Variants in PRELID2 observed in about 807,000 individuals in gnomAD.
PRELID2 encodes PRELI domain containing 2.
Under a neutral mutation model 28.4 loss-of-function variants are expected in PRELID2, and 25 were observed. That is an observed-to-expected ratio of 0.88 (90% confidence interval 0.64 to 1.23). The LOEUF (loss-of-function observed/expected upper bound fraction) is 1.23. Ranked by LOEUF, PRELID2 falls within the 50% of genes most tolerant of loss-of-function variation. The probability of loss-of-function intolerance (pLI) is 0.00; values close to 1 mark genes in which losing one functional copy is unlikely to be tolerated. For missense variants in PRELID2, 201 were observed against 214.4 expected (o/e 0.94, Z 0.39); for synonymous variants, 76 against 71.6 (o/e 1.06, Z -0.31).
intron 1 of PRELID2, among the ~76,000 whole-genome samples, chr5:145,726,019 C>CA (rs1157967922): frequency 6.6e-6 from 1 of 151,534 alleles, no homozygotes; most frequent in Non-Finnish European, 1.5e-5. Context: ...CCTGTGTCTA[C>CA]AAAAAAAATT....
chr5:145,783,289 C>T (rs1751756308), intron 5 of PRELID2, among the ~76,000 whole-genome samples: 1 of 152,160 alleles, frequency 6.6e-6, no homozygotes, highest in Non-Finnish European at 1.5e-5. Context: ...TTGTGGATTC[C>T]CAGGTTTCAC....
At chr5:145,625,122 G>A (rs1206233322) in intron 1 of PRELID2, among the ~76,000 whole-genome samples, 2 of 152,220 alleles carry the variant, frequency 1.3e-5, no homozygotes, top group East Asian at 3.9e-4. Flanking sequence ...GCTTGCAGTA[G>A]TATAAACTGG....
At chr5:145,629,589 G>A (rs1486204046) in intron 1 of PRELID2, among the ~76,000 whole-genome samples, 1 of 152,124 alleles carries the variant, frequency 6.6e-6, no homozygotes, top group Admixed American at 6.5e-5. Context: ...CAAGTATGGA[G>A]GCTTAATATG....
At chr5:145,584,591 A>G (rs1002028939) in intron 1 of PRELID2, among the ~76,000 whole-genome samples, 4 of 152,178 alleles carry the variant, frequency 2.6e-5, no homozygotes, top group African/African-American at 9.7e-5. Flanking sequence ...TTTACAAGAA[A>G]AAAACAAACA....
intron 1 of PRELID2, among the ~76,000 whole-genome samples, chr5:145,828,666 T>C (rs1755366327): frequency 6.6e-6 from 1 of 152,082 alleles, no homozygotes; most frequent in African/African-American, 2.4e-5. Context: ...TTAAATGCTT[T>C]CATGGATTTA....
At position 145,562,929 on chromosome 5, in the gene PRELID2, CTCTT is replaced by C. The variant is rs967614966; in HGVS notation, n.71-89618_71-89615del. Among the ~76,000 whole-genome samples the C allele has an allele frequency of 7.7e-4, 118 of 152,342 alleles. 1 individual carries two copies. Among genetic ancestry groups the C allele is most frequent in the African/African-American group, 2.7e-3 (111 of 41,574 alleles). On this transcript the variant is annotated intron_variant and non_coding_transcript_variant, in intron 1 of 2. Coordinates refer to the PRELID2 transcript ENST00000510259. ...CAAGGAAGAGGTTTCAAAGAACTGA[CTCTT>C]TATCTCAGGATTTATGGGACTATTA...
chr5:145,317,158 T>A, the PRELID2 span, among the ~76,000 whole-genome samples: 1 of 152,134 alleles, frequency 6.6e-6, no homozygotes, highest in Middle Eastern at 3.2e-3. Flanking sequence ...GTTTGTCCAG[T>A]TTAATAGGTG....
At chr5:145,813,956 C>T (rs1207600424) in intron 4 of PRELID2, among the ~76,000 whole-genome samples, 1 of 152,194 alleles carries the variant, frequency 6.6e-6, no homozygotes, top group African/African-American at 2.4e-5. Context: ...CACCACAACA[C>T]TGTTTGTAAG....
At chr5:145,696,493 G>T (rs1196361976) in intron 1 of PRELID2, among the ~76,000 whole-genome samples, 1 of 151,942 alleles carries the variant, frequency 6.6e-6, no homozygotes, top group Admixed American at 6.6e-5. Flanking sequence ...TTGAGATAGG[G>T]TCTCACTCTG....
intron 1 of PRELID2, among the ~76,000 whole-genome samples, chr5:145,504,076 C>A (rs1484488334): frequency 6.6e-6 from 1 of 152,104 alleles, no homozygotes; most frequent in African/African-American, 2.4e-5. Context: ...AAAATTCAGC[C>A]AGGCTGACCT....
At chr5:145,280,606 C>T in the PRELID2 span, among the ~76,000 whole-genome samples, 1 of 151,844 alleles carries the variant, frequency 6.6e-6, no homozygotes, top group South Asian at 2.1e-4. Flanking sequence ...ACACATGTAA[C>T]TAACCTGCAC....
At chr5:145,623,453 A>AAAT (rs1561523312) in intron 1 of PRELID2, among the ~76,000 whole-genome samples, 1,652 of 150,354 alleles carry the variant, frequency 0.011, 33 homozygotes, top group African/African-American at 0.037. Context: ...TTCTCAAAAA[A>AAAT]AAATAAATAA....
At chr5:145,628,801 A>G (rs1300739837) in intron 1 of PRELID2, among the ~76,000 whole-genome samples, 2 of 152,188 alleles carry the variant, frequency 1.3e-5, no homozygotes, top group Non-Finnish European at 2.9e-5. Context: ...ATAAATCCTG[A>G]TCTGGCCTCT....
chr5:145,580,219 T>A (rs1561509882), intron 1 of PRELID2, among the ~76,000 whole-genome samples: 2 of 152,042 alleles, frequency 1.3e-5, no homozygotes, highest in African/African-American at 4.8e-5. Context: ...CAATGGGCTA[T>A]AGATAACCAA....
At chr5:145,352,243 C>A in the PRELID2 span, among the ~76,000 whole-genome samples, 1 of 152,188 alleles carries the variant, frequency 6.6e-6, no homozygotes, top group Non-Finnish European at 1.5e-5. Flanking sequence ...CTCACCTCTG[C>A]AGGAAACTGT....
intron 4 of PRELID2, among the ~76,000 whole-genome samples, chr5:145,806,215 A>C (rs1199886705): frequency 1.3e-5 from 2 of 152,168 alleles, no homozygotes; most frequent in Non-Finnish European, 2.9e-5. Context: ...ACTCTTTTGC[A>C]ATCACACTTA....
At chr5:145,229,889 G>A in the PRELID2 span, 2 of 750,594 alleles carry the variant, frequency 2.7e-6, no homozygotes, top group East Asian at 2.5e-5. Context: ...AGGGCCAGGT[G>A]TACATCCTTG....
At chr5:145,525,601 G>T (rs1752599814) in intron 1 of PRELID2, among the ~76,000 whole-genome samples, 1 of 152,004 alleles carries the variant, frequency 6.6e-6, no homozygotes, top group Non-Finnish European at 1.5e-5. Flanking sequence ...ACAGTTTTTG[G>T]GTTCTTTTTC....
chr5:145,691,826 C>T (rs1755156377), intron 1 of PRELID2, among the ~76,000 whole-genome samples: 1 of 152,092 alleles, frequency 6.6e-6, no homozygotes. Context: ...CCAAGATTGA[C>T]CAGAAGAAGG....
Sources: allele counts gnomAD v4.1 joint callset (sites outside exome capture counted in the v4.1 genomes callset), GRCh38; gene constraint gnomAD v4.1.1; transcripts MANE v1.5; gene names NCBI Gene and HGNC (gene_info 2026-07-23, HGNC 2026-07-21).